Variants in MYEF2 observed in about 807,000 individuals in gnomAD.
The protein encoded by MYEF2 is myelin expression factor 2.
Under a neutral mutation model 75.2 loss-of-function variants are expected in MYEF2, and 37 were observed. The ratio of observed to expected loss-of-function variants is 0.49; its 90% CI spans 0.38 to 0.65. The LOEUF (loss-of-function observed/expected upper bound fraction) is 0.65, where lower values mean the gene tolerates loss of function less well. Among genes scored for constraint, MYEF2 ranks in the 30% least tolerant of loss-of-function variants. The pLI, the probability that MYEF2 is intolerant of heterozygous loss-of-function variation, is 0.00. For synonymous variants in MYEF2, 195 were observed against 241.6 expected (o/e 0.81, Z 1.79); for missense variants, 634 against 771.4 (o/e 0.82, Z 2.11).
At chr15:48,145,441 C>T (rs115048799) in intron 16 of MYEF2, among the ~76,000 whole-genome samples, 7 of 151,730 alleles carry the variant, frequency 4.6e-5, no homozygotes, top group Admixed American at 2.6e-4. Context: ...TAATCTTGTA[C>T]GATTCCAAGA....
In MYEF2 at chr15:48,140,297, C is replaced by G. The variant is rs1206796645; in HGVS notation, c.*2611G>C. The stretch of plus-strand genomic sequence containing the variant: ...CAAAGCCAGTAACAGAAATTAACAA[C>G]CAATTCCAATTCCAATATCAATGTA... On this transcript the variant is annotated 3_prime_UTR_variant, in exon 17 of 17. Transcript: ENST00000324324. 1 of 151,858 alleles carries G rather than the reference C, an allele frequency of 6.6e-6. No homozygotes were observed. Among genetic ancestry groups the G allele is most frequent in the Non-Finnish European group, 1.5e-5 (1 of 67,946 alleles). 9.4% of individuals were successfully genotyped at this position (151,858 alleles called of 1,614,324 possible). A position where few individuals can be genotyped will look rare whatever the true frequency, so the allele number is the denominator to read the frequency against.
intron 1 of MYEF2, among the ~76,000 whole-genome samples, chr15:48,171,350 C>A (rs1446220929): frequency 6.6e-6 from 1 of 152,106 alleles, no homozygotes; most frequent in Non-Finnish European, 1.5e-5. Flanking sequence ...ACACAAAGTT[C>A]TGAAGTACTT....
intron 10 of MYEF2, 76 bp from the exon 11 acceptor site, chr15:48,152,360 C>A: frequency 9.9e-6 from 12 of 1,214,480 alleles, no homozygotes; most frequent in South Asian, 1.3e-5. Context: ...TGCATTATAG[C>A]AAAATAGATA....
intron 14 of MYEF2, among the ~76,000 whole-genome samples, chr15:48,150,768 G>A (rs767268269): frequency 1.3e-5 from 2 of 151,980 alleles, no homozygotes; most frequent in Non-Finnish European, 2.9e-5. Flanking sequence ...TAGAAAATAA[G>A]CAAGGAAACA....
chr15:48,137,277 C>A lies in MYEF2; in HGVS notation c.*5631G>T, dbSNP rs980905818. ...CAGAGAAGGGAGCATTTAAATTGGGCCTTGCTGGACAGGAAAGACTTTAAC... is the reference window on the plus strand; with the variant it reads ...CAGAGAAGGGAGCATTTAAATTGGGACTTGCTGGACAGGAAAGACTTTAAC... On this transcript the variant is annotated 3_prime_UTR_variant, in exon 17 of 17. Coordinates refer to ENST00000324324, the MANE Select transcript of MYEF2 (RefSeq NM_016132.5). 6 of 257,166 alleles carry A rather than the reference C, an allele frequency of 2.3e-5. No homozygotes were observed. The highest frequency in any genetic ancestry group is 8.8e-5 in the East Asian group (1 of 11,362). 15.9% of individuals were successfully genotyped at this position (257,166 alleles called of 1,614,324 possible). A position where few individuals can be genotyped will look rare whatever the true frequency, so the allele number is the denominator to read the frequency against.
intron 5 of MYEF2, among the ~76,000 whole-genome samples, chr15:48,163,557 G>A (rs2040029212): frequency 6.6e-6 from 1 of 152,172 alleles, no homozygotes; most frequent in African/African-American, 2.4e-5. Context: ...TGATGAGATG[G>A]CTACACTAAA....
chr15:48,177,883 C>T (rs541938662), intron 1 of MYEF2, among the ~76,000 whole-genome samples, 194 bp downstream of exon 1: 2 of 152,148 alleles, frequency 1.3e-5, no homozygotes, highest in Non-Finnish European at 2.9e-5. Context: ...AGACCACAGG[C>T]GGCCAGGCCT....
intron 1 of MYEF2, among the ~76,000 whole-genome samples, chr15:48,173,597 CA>C (rs1314877999): frequency 4.6e-5 from 7 of 152,008 alleles, no homozygotes; most frequent in African/African-American, 1.7e-4. Flanking sequence ...GAAAATTATT[CA>C]GAGAAAATTT....
chr15:48,165,844 AG>A, intron 5 of MYEF2, 88 bp downstream of exon 5: 1 of 931,426 alleles, frequency 1.1e-6, no homozygotes, highest in Non-Finnish European at 1.6e-6. Flanking sequence ...AAAAAGTTGT[AG>A]TCAGGCAAAT....
intron 1 of MYEF2, among the ~76,000 whole-genome samples, chr15:48,175,493 G>C (rs1031716530): frequency 1.3e-5 from 2 of 152,118 alleles, no homozygotes; most frequent in Non-Finnish European, 2.9e-5. Flanking sequence ...AGCTATGCGA[G>C]GTAACAGATA....
chr15:48,159,952 T>C (rs2140888651), intron 5 of MYEF2, 148 bp from the exon 6 acceptor site: 1 of 794,352 alleles, frequency 1.3e-6, no homozygotes, highest in Non-Finnish European at 1.9e-6. Context: ...ATCCAGAGAA[T>C]TGAGTCCCAT....
rs1490519331 is a variant in MYEF2 at position 48,178,154 on chromosome 15, C to A, written c.84G>T (p.Glu28Asp). 3.2e-6 allele frequency: 5 copies of A among 1,564,970 alleles called. No homozygotes were observed. In the Admixed American group the frequency reaches 5.5e-5, roughly 17 times the overall value. The part of the protein sequence containing the change: ...PHLQPAEPPG[E>D]PRREPHPAEA... ...CCGCGGGGTGCGGCTCTCGCCGCGG[C>A]TCGCCCGGCGGCTCTGCGGGCTGCA... Residue 28 changes from glutamate to aspartate, a missense_variant, in exon 1 of 17, where the codon GAG (glutamate) becomes GAT (aspartate). By Grantham distance (45) the Glu-to-Asp change is conservative. Coordinates refer to ENST00000324324, the MANE Select transcript of MYEF2 (RefSeq NM_016132.5).
chr15:48,171,363 A>G (rs2040335436), intron 1 of MYEF2, among the ~76,000 whole-genome samples: 2 of 152,186 alleles, frequency 1.3e-5, no homozygotes, highest in African/African-American at 4.8e-5. Context: ...AAGTACTTAC[A>G]ATGTTCTATT....
At chr15:48,146,154 A>G (rs550503098) in intron 16 of MYEF2, among the ~76,000 whole-genome samples, 1 of 152,090 alleles carries the variant, frequency 6.6e-6, no homozygotes, top group Non-Finnish European at 1.5e-5. Context: ...GAATGCAGCT[A>G]AAGTATACAG....
At chr15:48,170,391 G>A (rs1160901131) in intron 1 of MYEF2, among the ~76,000 whole-genome samples, 2 of 152,124 alleles carry the variant, frequency 1.3e-5, no homozygotes. Flanking sequence ...CTCCCAAAGT[G>A]CTGGGATTAC....
chr15:48,156,568 G>A (rs1471663591), intron 9 of MYEF2, among the ~76,000 whole-genome samples: 3 of 150,182 alleles, frequency 2.0e-5, no homozygotes, highest in Non-Finnish European at 4.4e-5. Context: ...AGAAACAACA[G>A]AGGAAGGCCA....
At chr15:48,144,333 C>T (rs1302878901) in intron 16 of MYEF2, among the ~76,000 whole-genome samples, 1 of 151,968 alleles carries the variant, frequency 6.6e-6, no homozygotes, top group Admixed American at 6.6e-5. Context: ...TGATGGACTA[C>T]TTTATACTTT....
At chr15:48,166,214 C>T (rs1342424427) in intron 3 of MYEF2, 86 bp from the exon 4 acceptor site, 2 of 1,107,718 alleles carry the variant, frequency 1.8e-6, no homozygotes, top group South Asian at 1.6e-5. Flanking sequence ...TCTAACATTT[C>T]AATCATTAAG....
rs372090273 is a variant in MYEF2 at position 48,160,486 on chromosome 15, T to TACAC, written c.526-686_526-683dup. 1.9e-3 allele frequency among the ~76,000 whole-genome samples: 261 copies of TACAC among 139,308 alleles called. 2 individuals are homozygous for TACAC. The highest frequency in any genetic ancestry group is 0.014 in the East Asian group (65 of 4,770). 91.4% of individuals were successfully genotyped at this position (139,308 alleles called of 152,430 possible). A position where few individuals can be genotyped will look rare whatever the true frequency, so the allele number is the denominator to read the frequency against. ...CCCTACCTTTAAACAAAACCAAACA[T>TACAC]ACACACACACACACACACACACACA... On this transcript the variant is annotated intron_variant, in intron 5 of 16. Coordinates refer to ENST00000324324, the MANE Select transcript of MYEF2 (RefSeq NM_016132.5).
Sources: allele counts gnomAD v4.1 joint callset (sites outside exome capture counted in the v4.1 genomes callset), GRCh38; gene constraint gnomAD v4.1.1; transcripts MANE v1.5; gene names NCBI Gene and HGNC (gene_info 2026-07-23, HGNC 2026-07-21).